TMOD2: variants seen among roughly 807,000 people sequenced by gnomAD.
TMOD2 encodes tropomodulin-2.
TMOD2 carries 22 observed loss-of-function variants against 39.9 expected under a neutral mutation model. That is an observed-to-expected ratio of 0.55 (90% confidence interval 0.39 to 0.79). The LOEUF (loss-of-function observed/expected upper bound fraction) is 0.79, where lower values mean the gene tolerates loss of function less well. TMOD2 is among the 30% of genes least tolerant of loss of function. The pLI, the probability that TMOD2 is intolerant of heterozygous loss-of-function variation, is 0.00. For missense variants in TMOD2, 386 were observed against 413.3 expected (o/e 0.93, Z 0.57); for synonymous variants, 123 against 146.1 (o/e 0.84, Z 1.14).
Position 51,813,727 on chromosome 15 carries a change from G to A in TMOD2, c.*5273G>A, listed in dbSNP as rs1169511220. On this transcript the variant is annotated 3_prime_UTR_variant, in exon 10 of 10. Transcript: ENST00000249700. ...AACCGCTTGGTCTCTCAAGCCTAAG[G>A]TTCTTCAGCTATAAAATGGGAATAA... 3 of 152,166 alleles carry A rather than the reference G, an allele frequency of 2.0e-5. No individual in the cohort carries two copies. The highest frequency in any genetic ancestry group is 2.0e-4 in the Admixed American group (3 of 15,276). 9.4% of individuals were successfully genotyped at this position (152,166 alleles called of 1,614,324 possible). A position where few individuals can be genotyped will look rare whatever the true frequency, so the allele number is the denominator to read the frequency against.
chr15:51,757,535 G>C (rs2055750875), intron 1 of TMOD2, among the ~76,000 whole-genome samples: 1 of 151,502 alleles, frequency 6.6e-6, no homozygotes, highest in African/African-American at 2.4e-5. Flanking sequence ...CCTATTTTCT[G>C]TTTTCCTAAC....
At chr15:51,798,075 G>T in intron 7 of TMOD2, 122 bp from the exon 8 acceptor site, 1 of 794,968 alleles carries the variant, frequency 1.3e-6, no homozygotes. Flanking sequence ...AGTATGATTT[G>T]ATGAAGGTTT....
rs764935069 is a variant in TMOD2, at chr15:51,776,955, C to T, written c.430C>T (p.Leu144Phe). The change falls in exon 5 of 10, where the codon CTC (leucine) becomes TTC (phenylalanine). Residue 144 changes from leucine (L) to phenylalanine (F), a missense_variant. Transcript: ENST00000249700. ...LAAVLGVHNL[L>F]NNPKFDEETA... The stretch of plus-strand genomic sequence containing the variant: ...AGCTGTCCTTGGAGTACACAATTTG[C>T]TCAACAATCCAAAGTTCGATGAAGA... 5 of 1,613,870 alleles carry T rather than the reference C, an allele frequency of 3.1e-6. No individual in the cohort carries two copies. The highest frequency in any genetic ancestry group is 4.2e-6 in the Non-Finnish European group (5 of 1,179,840).
chr15:51,790,940 G>A (rs1161919003), intron 7 of TMOD2, among the ~76,000 whole-genome samples: 4 of 152,008 alleles, frequency 2.6e-5, no homozygotes, highest in South Asian at 4.2e-4. Flanking sequence ...TTTGAAAACC[G>A]GCACAAGACA....
intron 8 of TMOD2, among the ~76,000 whole-genome samples, chr15:51,801,310 C>G (rs545278857): frequency 6.7e-6 from 1 of 150,086 alleles, no homozygotes; most frequent in Non-Finnish European, 1.5e-5. Context: ...CTCTCTCTCT[C>G]TCTCTAAGAA....
chr15:51,760,899 A>C (rs2055776255), intron 1 of TMOD2, among the ~76,000 whole-genome samples: 1 of 152,142 alleles, frequency 6.6e-6, no homozygotes, highest in Non-Finnish European at 1.5e-5. Flanking sequence ...GAATAGGAGG[A>C]GGACGTATTT....
intron 7 of TMOD2, among the ~76,000 whole-genome samples, chr15:51,790,862 A>G (rs1017500077): frequency 1.1e-4 from 16 of 152,148 alleles, no homozygotes; most frequent in African/African-American, 2.9e-4. Context: ...TCTCAACATA[A>G]TAAGAGCTGT....
chr15:51,765,093 C>T (rs533549560), intron 1 of TMOD2, among the ~76,000 whole-genome samples: 41 of 152,168 alleles, frequency 2.7e-4, no homozygotes, highest in Non-Finnish European at 4.7e-4. Context: ...CTCTGCCTCC[C>T]GGGTTCAAGC....
intron 9 of TMOD2, among the ~76,000 whole-genome samples, chr15:51,807,548 C>A (rs1030890981): frequency 1.6e-4 from 24 of 152,040 alleles, no homozygotes; most frequent in African/African-American, 5.3e-4. Context: ...GTGGAAGCAG[C>A]AATCAGAAGG....
chr15:51,805,821 G>A (rs550383625), intron 8 of TMOD2, among the ~76,000 whole-genome samples: 3 of 152,184 alleles, frequency 2.0e-5, no homozygotes, highest in South Asian at 4.2e-4. Flanking sequence ...AGAAGAAAAA[G>A]TATTGGAAAT....
In TMOD2 at chr15:51,814,962, A is replaced by T. The variant is rs2056179638; in HGVS notation, c.*6508A>T. The T allele has an allele frequency of 6.6e-6, 1 of 152,250 alleles. No homozygotes were observed. The highest frequency in any genetic ancestry group is 2.4e-5 in the African/African-American group (1 of 41,472). The allele number at this position is 152,250 out of a possible 1,614,324, so 9.4% of individuals were successfully genotyped here. ...AGCGGCCTTTTCTGAAAGGATATTT[A>T]AAAATATATACTATTTAGGCTGGGC... On this transcript the variant is annotated 3_prime_UTR_variant, in exon 10 of 10. Transcript: ENST00000249700.
chr15:51,808,576 T>A lies in TMOD2; in HGVS notation c.*122T>A. 1 of 621,448 alleles carries A rather than the reference T, an allele frequency of 1.6e-6. No individual in the cohort carries two copies. Among genetic ancestry groups the A allele is most frequent in the South Asian group, 2.6e-5 (1 of 39,126 alleles). 38.5% of individuals were successfully genotyped at this position (621,448 alleles called of 1,614,324 possible). A position where few individuals can be genotyped will look rare whatever the true frequency, so the allele number is the denominator to read the frequency against. On this transcript the variant is annotated 3_prime_UTR_variant, in exon 10 of 10. Coordinates refer to ENST00000249700, the MANE Select transcript of TMOD2 (RefSeq NM_014548.4). ...TCATTTCCGTTAACCACATAACTAA[T>A]AATTTAATTGTTATTCTTTTTTAGC...
Position 51,755,929 on chromosome 15 carries a change from C to G in TMOD2, c.-70+4217C>G, listed in dbSNP as rs543154694. On this transcript the variant is annotated intron_variant, in intron 1 of 9. Transcript: ENST00000249700. Reference sequence around the variant, plus strand: ...AAAAAGCAGGAAACCCGGTGCCAATCAGGAAGTTAGAAGAAGCCCATAAGT... The same window carrying G: ...AAAAAGCAGGAAACCCGGTGCCAATGAGGAAGTTAGAAGAAGCCCATAAGT... Among the ~76,000 whole-genome samples, 10 of 152,010 alleles carry G rather than the reference C, an allele frequency of 6.6e-5. No individual in the cohort carries two copies. The South Asian group carries it at 2.1e-3, about 32-fold the overall frequency.
At chr15:51,787,386 G>C (rs1436218559) in intron 7 of TMOD2, among the ~76,000 whole-genome samples, 1 of 152,256 alleles carries the variant, frequency 6.6e-6, no homozygotes, top group Non-Finnish European at 1.5e-5. Context: ...GCTCAGGAAG[G>C]CCTACTGCCT....
intron 3 of TMOD2, among the ~76,000 whole-genome samples, chr15:51,770,492 T>C (rs771175492): frequency 3.9e-5 from 6 of 152,144 alleles, no homozygotes; most frequent in African/African-American, 1.2e-4. Flanking sequence ...GTGAATGGCA[T>C]CTCAGAAATC....
intron 8 of TMOD2, 47 bp from the exon 9 acceptor site, chr15:51,806,330 C>G: frequency 2.5e-6 from 4 of 1,604,528 alleles, no homozygotes; most frequent in Non-Finnish European, 3.4e-6. Context: ...TAACTGTTTC[C>G]TCTTCCTTCT....
At chr15:51,769,321 A>G (rs1018974968) in intron 3 of TMOD2, among the ~76,000 whole-genome samples, 3 of 152,214 alleles carry the variant, frequency 2.0e-5, no homozygotes, top group Non-Finnish European at 2.9e-5. Context: ...CTCCATGTCC[A>G]GGATGGCTCT....
intron 1 of TMOD2, among the ~76,000 whole-genome samples, chr15:51,759,025 G>A (rs1465816640): frequency 2.6e-5 from 4 of 152,150 alleles, no homozygotes; most frequent in Non-Finnish European, 5.9e-5. Context: ...AGTAACTAGA[G>A]AAGAGTTGTT....
rs1300349689 is a variant in TMOD2, at chr15:51,815,956, T to G, written c.*7502T>G. The G allele has an allele frequency of 2.0e-5, 3 of 152,366 alleles. No individual in the cohort carries two copies. The East Asian group carries it at 5.8e-4, about 29-fold the overall frequency. The allele number at this position is 152,366 out of a possible 1,614,324, so 9.4% of individuals were successfully genotyped here. ...CTTCTATTGGCAACATTTATTGGGC[T>G]AAGCAGTTATTGAAAACTCCGCATA... On this transcript the variant is annotated 3_prime_UTR_variant, in exon 10 of 10. Coordinates refer to ENST00000249700, the MANE Select transcript of TMOD2 (RefSeq NM_014548.4).
Sources: allele counts gnomAD v4.1 joint callset (sites outside exome capture counted in the v4.1 genomes callset), GRCh38; gene constraint gnomAD v4.1.1; transcripts MANE v1.5; gene names NCBI Gene and HGNC (gene_info 2026-07-23, HGNC 2026-07-21).